Variants in NPAS2 observed in about 807,000 individuals in gnomAD.
NPAS2 encodes the protein neuronal PAS domain protein 2, also known as neuronal PAS domain-containing protein 2.
NPAS2 carries 23 observed loss-of-function variants against 107.5 expected under a neutral mutation model. The observed-to-expected ratio is 0.21, with a 90% CI of 0.15 to 0.30. The LOEUF (loss-of-function observed/expected upper bound fraction) is 0.30. Ranked by LOEUF, NPAS2 falls within the 10% of genes least tolerant of loss-of-function variation. NPAS2 has a pLI of 1.00. For synonymous variants in NPAS2, 403 were observed against 417.5 expected, an observed-to-expected ratio of 0.97 and a Z score of 0.42; for missense variants, 756 against 1,043.3, an observed-to-expected ratio of 0.72 and a Z score of 3.79.
At chr2:100,819,467 C>T (rs1020277524), upstream of NPAS2, among the ~76,000 whole-genome samples, 1 of 152,186 alleles carries the variant, frequency 6.6e-6, no homozygotes, top group Non-Finnish European at 1.5e-5. The surrounding 1 kb of genome is among the most constrained non-coding windows in gnomAD (Gnocchi z 5.8). Flanking sequence ...TCCCCGACCC[C>T]CGCCTCCCAC....
At chr2:100,865,422 A>G (rs1021754083) in intron 1 of NPAS2, among the ~76,000 whole-genome samples, 52 of 151,986 alleles carry the variant, frequency 3.4e-4, no homozygotes, top group African/African-American at 1.1e-3. Context: ...CTTACCTGCT[A>G]TGTGTTCTTA....
intron 1 of NPAS2, among the ~76,000 whole-genome samples, chr2:100,825,757 A>G (rs1676335135): frequency 6.6e-6 from 1 of 152,176 alleles, no homozygotes; most frequent in African/African-American, 2.4e-5. Flanking sequence ...CCTGCTCTCA[A>G]AAGAGACAAG....
Position 100,990,444 on chromosome 2 carries a change from C to G in NPAS2, c.2016C>G (p.Leu672=), listed in dbSNP as rs376865530. 1 of 1,613,950 alleles carries G rather than the reference C, an allele frequency of 6.2e-7. No individual in the cohort carries two copies. The highest frequency in any genetic ancestry group is 8.5e-7 in the Non-Finnish European group (1 of 1,179,924). The change falls in exon 18 of 21, where the codon CTC becomes CTG. Residue 672 remains leucine (L), a splice_region_variant and synonymous_variant. Transcript: ENST00000335681. The part of the protein sequence containing the change: ...PSPDFSHDRQ[L]RLLLSQPIQP... Reference sequence around the variant, plus strand: ...CAGACTTCAGCCATGATCGGCAGCTCAGGTACGAGACTGCCCTTGTTTAAA... The same window carrying G: ...CAGACTTCAGCCATGATCGGCAGCTGAGGTACGAGACTGCCCTTGTTTAAA...
At chr2:100,964,754 C>T (rs570712067) in intron 8 of NPAS2, 107 bp from the exon 9 acceptor site, 7 of 689,144 alleles carry the variant, frequency 1.0e-5, no homozygotes, top group Admixed American at 5.9e-5. Context: ...GAGACTTGCT[C>T]GAAATGATTT....
At chr2:100,881,790 CAG>C (rs1680362519) in intron 1 of NPAS2, among the ~76,000 whole-genome samples, 1 of 152,320 alleles carries the variant, frequency 6.6e-6, no homozygotes, top group East Asian at 1.9e-4. Context: ...AGCTGTTTGA[CAG>C]GGGAGGAAGT....
At chr2:100,990,746 G>A (rs1018234646) in intron 18 of NPAS2, 34 bp from the exon 19 acceptor site, 1 of 1,588,030 alleles carries the variant, frequency 6.3e-7, no homozygotes, top group Non-Finnish European at 8.6e-7. Flanking sequence ...TTCAGGTGCT[G>A]ATCAGTTTCC....
At chr2:100,883,934 T>C (rs541976430) in intron 1 of NPAS2, among the ~76,000 whole-genome samples, 4 of 152,158 alleles carry the variant, frequency 2.6e-5, no homozygotes, top group Non-Finnish European at 5.9e-5. Context: ...GAAGTGTTTC[T>C]GTTTCACCCC....
upstream of NPAS2, among the ~76,000 whole-genome samples, chr2:100,818,786 C>A (rs1365947466): frequency 6.6e-6 from 1 of 152,250 alleles, no homozygotes; most frequent in African/African-American, 2.4e-5. Context: ...CGGAGCGCTG[C>A]GCCAGGCCAG....
intron 4 of NPAS2, among the ~76,000 whole-genome samples, chr2:100,935,441 G>A (rs146021343): frequency 8.5e-5 from 13 of 152,314 alleles, no homozygotes; most frequent in Non-Finnish European, 1.6e-4. Context: ...TAGGGGCACA[G>A]CACTTTGCAA....
chr2:100,962,706 C>T (rs572100786), intron 7 of NPAS2: 3 of 152,310 alleles, frequency 2.0e-5, no homozygotes, highest in Admixed American at 6.5e-5. Context: ...GTTCTTTATC[C>T]CACCTAAAAA....
intron 7 of NPAS2, among the ~76,000 whole-genome samples, chr2:100,955,847 C>T (rs182734866): frequency 2.5e-4 from 38 of 152,212 alleles, no homozygotes; most frequent in Non-Finnish European, 2.8e-4. Flanking sequence ...ACTCAGGACT[C>T]CCCGCCCCAT....
intron 5 of NPAS2, among the ~76,000 whole-genome samples, chr2:100,946,208 C>T (rs2105031119): frequency 6.6e-6 from 1 of 152,284 alleles, no homozygotes; most frequent in African/African-American, 2.4e-5. Flanking sequence ...TCATGGTTTC[C>T]TCACCTTGCA....
intron 2 of NPAS2, among the ~76,000 whole-genome samples, chr2:100,921,230 G>T (rs1683205559): frequency 6.6e-6 from 1 of 152,254 alleles, no homozygotes; most frequent in Admixed American, 6.5e-5. Flanking sequence ...TGTGATGGTG[G>T]TGAGTTACAC....
At chr2:100,836,777 A>G (rs1457999757) in intron 1 of NPAS2, among the ~76,000 whole-genome samples, 1 of 152,086 alleles carries the variant, frequency 6.6e-6, no homozygotes, top group Non-Finnish European at 1.5e-5. Context: ...GGCCACATGT[A>G]TAATGTTGGG....
intron 7 of NPAS2, among the ~76,000 whole-genome samples, 169 bp downstream of exon 7, chr2:100,949,649 C>G (rs1340908642): frequency 6.6e-6 from 1 of 152,194 alleles, no homozygotes; most frequent in Non-Finnish European, 1.5e-5. Flanking sequence ...GATGTTCTCT[C>G]CCATTCAAGA....
intron 2 of NPAS2, among the ~76,000 whole-genome samples, chr2:100,907,716 C>T (rs941510564): frequency 2.0e-5 from 3 of 152,066 alleles, no homozygotes; most frequent in Non-Finnish European, 4.4e-5. Flanking sequence ...GCAAGGCTTT[C>T]GATGCTTTAG....
intron 2 of NPAS2, among the ~76,000 whole-genome samples, chr2:100,917,835 C>A (rs1451271631): frequency 6.6e-6 from 1 of 152,036 alleles, no homozygotes; most frequent in East Asian, 1.9e-4. Context: ...ATCTCCAGAC[C>A]CAGATGATTT....
intron 1 of NPAS2, among the ~76,000 whole-genome samples, chr2:100,825,588 C>G (rs1676324207): frequency 6.6e-6 from 1 of 152,278 alleles, no homozygotes; most frequent in South Asian, 2.1e-4. Context: ...AGACTGCCAA[C>G]CCACACCTGC....
At chr2:100,854,916 G>A (rs1024635660) in intron 1 of NPAS2, among the ~76,000 whole-genome samples, 4 of 152,210 alleles carry the variant, frequency 2.6e-5, no homozygotes, top group Non-Finnish European at 5.9e-5. Context: ...TGTGTGAGAT[G>A]TGCTGTCAGT....
Sources: allele counts gnomAD v4.1 joint callset (sites outside exome capture counted in the v4.1 genomes callset), GRCh38; gene constraint gnomAD v4.1.1; non-coding constraint Gnocchi (gnomAD v3.1); transcripts MANE v1.5; gene names NCBI Gene and HGNC (gene_info 2026-07-23, HGNC 2026-07-21).